Variants in USP35 observed in about 807,000 individuals in gnomAD.
The protein encoded by USP35 is ubiquitin specific peptidase 35.
In USP35, 69 loss-of-function variants were observed where a neutral mutation model predicts 83.8. The ratio of observed to expected loss-of-function variants is 0.82; its 90% CI spans 0.68 to 1.01. The LOEUF is 1.01. Among genes scored for constraint, USP35 ranks in the 50% least tolerant of loss-of-function variants. The pLI, the probability that USP35 is intolerant of heterozygous loss-of-function variation, is 0.00. For missense variants in USP35, 1,503 were observed against 1,362.5 expected (o/e 1.10, Z -1.62); for synonymous variants, 714 against 589.5 (o/e 1.21, Z -3.06).
chr11:78,210,609 C>CTA lies in USP35; in HGVS notation c.2756_2757dup (p.Val920MetfsTer32). ...CCTCCTTCTTCCCTAAGGACACAGC[C>CTA]TATGTGCTGTTTTACCGGCAGCGGC... On this transcript the variant is annotated frameshift_variant, in exon 10 of 11. Transcript: ENST00000529308. LOFTEE classifies it high-confidence loss of function. The CTA allele has an allele frequency of 6.2e-7, 1 of 1,614,218 alleles. No homozygotes were observed. Among genetic ancestry groups the CTA allele is most frequent in the Non-Finnish European group, 8.5e-7 (1 of 1,180,016 alleles).
chr11:78,198,224 C>T (rs1433594669), intron 3 of USP35, among the ~76,000 whole-genome samples, 156 bp downstream of exon 3: 1 of 152,242 alleles, frequency 6.6e-6, no homozygotes, highest in Admixed American at 6.5e-5. Context: ...TTGAGCCCTG[C>T]TCTGTGCCTT....
rs1368589957 is a variant in USP35, at chr11:78,196,533, G to A, written c.288G>A (p.Pro96=). The A allele has an allele frequency of 3.3e-6, 4 of 1,222,282 alleles. No individual in the cohort carries two copies. The highest frequency in any genetic ancestry group is 3.3e-5 in the African/African-American group (2 of 61,100). 75.7% of individuals were successfully genotyped at this position (1,222,282 alleles called of 1,614,324 possible). The part of the protein sequence containing the change: ...LRLLQGGAGP[P]GPRALACVQL... ...TGCTGCAGGGTGGCGCCGGCCCCCC[G>A]GGCCCCCGCGCGCTCGCCTGCGTGC... Residue 96 remains proline (P), a synonymous_variant, in exon 2 of 11, where the codon CCG becomes CCA. Coordinates refer to ENST00000529308, the MANE Select transcript of USP35 (RefSeq NM_020798.4). This position sits in a 1 kb window ranked among gnomAD's most constrained non-coding sequence, Gnocchi z 4.8.
intron 1 of USP35, among the ~76,000 whole-genome samples, chr11:78,194,129 C>T (rs2137024156): frequency 6.6e-6 from 1 of 152,360 alleles, no homozygotes; most frequent in East Asian, 1.9e-4. Flanking sequence ...GCCATGGTTA[C>T]AACCTCTAAC....
In USP35 at chr11:78,214,329, A is replaced by C. The variant is rs990667273; in HGVS notation, c.*516A>C. On this transcript the variant is annotated 3_prime_UTR_variant, in exon 11 of 11. Transcript: ENST00000529308. The stretch of plus-strand genomic sequence containing the variant: ...CTGCACTGTCTGTACCTTTCTGAGA[A>C]GAACAGAGACCGAGACCTGCCCCCT... The C allele has an allele frequency of 1.5e-5, 2 of 136,918 alleles. No homozygotes were observed. The highest frequency in any genetic ancestry group is 8.4e-5 in the Admixed American group (1 of 11,954). The allele number at this position is 136,918 out of a possible 1,614,324, so 8.5% of individuals were successfully genotyped here.
the USP35 span, among the ~76,000 whole-genome samples, chr11:78,228,534 T>A: frequency 2.0e-5 from 3 of 152,152 alleles, no homozygotes; most frequent in Admixed American, 6.5e-5. Flanking sequence ...CTCTCTCAGC[T>A]CCTGAGGAGT....
At chr11:78,199,537 C>A in intron 3 of USP35, 58 bp from the exon 4 acceptor site, 1 of 1,610,480 alleles carries the variant, frequency 6.2e-7, no homozygotes, top group Non-Finnish European at 8.5e-7. Context: ...CTGGGCTGCC[C>A]TCACCCCAGC....
downstream of USP35, chr11:78,218,961 G>C (rs1864280410): frequency 3.7e-6 from 1 of 273,314 alleles, no homozygotes; most frequent in South Asian, 7.5e-5. Context: ...ATCTGGTAGA[G>C]AGTCAGGTCT....
the USP35 span, chr11:78,221,685 C>T: frequency 1.9e-6 from 3 of 1,609,070 alleles, no homozygotes; most frequent in South Asian, 1.1e-5. Context: ...ACCATAGGGA[C>T]ATAGTTCTCT....
intron 10 of USP35, 144 bp downstream of exon 10, chr11:78,210,888 GC>G: frequency 1.2e-6 from 1 of 838,546 alleles, no homozygotes; most frequent in Non-Finnish European, 1.7e-6. Context: ...TATACTGGTG[GC>G]CCAGACAGAC....
the USP35 span, among the ~76,000 whole-genome samples, chr11:78,223,180 T>C: frequency 2.0e-5 from 3 of 152,338 alleles, no homozygotes; most frequent in East Asian, 3.9e-4. Flanking sequence ...AAGCTGACTT[T>C]ACTGAACGCC....
chr11:78,188,922 C>T lies in USP35; in HGVS notation c.-246C>T, dbSNP rs1308837946. ...CCCTCCCCATGCTTCATCCCGCAGC[C>T]CCGGGGCCGCGCCGCAGAGTCGGGC... On this transcript the variant is annotated 5_prime_UTR_variant, in exon 1 of 11. Transcript: ENST00000529308. The T allele has an allele frequency of 1.0e-6, 1 of 985,578 alleles. No homozygotes were observed. Among genetic ancestry groups the T allele is most frequent in the East Asian group, 1.1e-4 (1 of 8,822 alleles). 61.1% of individuals were successfully genotyped at this position (985,578 alleles called of 1,614,324 possible). A position where few individuals can be genotyped will look rare whatever the true frequency, so the allele number is the denominator to read the frequency against.
chr11:78,193,225 A>C (rs527321054), intron 1 of USP35, among the ~76,000 whole-genome samples: 1 of 152,224 alleles, frequency 6.6e-6, no homozygotes, highest in Admixed American at 6.5e-5. Flanking sequence ...ACAGGAACTC[A>C]CTTAGTCACC....
downstream of USP35, among the ~76,000 whole-genome samples, chr11:78,219,974 C>T (rs1864338441): frequency 6.6e-6 from 1 of 152,098 alleles, no homozygotes. Context: ...ACTCGAGAGC[C>T]CAGGACCAGG....
the USP35 span, among the ~76,000 whole-genome samples, chr11:78,228,158 C>A: frequency 2.0e-5 from 3 of 152,134 alleles, no homozygotes; most frequent in Non-Finnish European, 4.4e-5. Flanking sequence ...TTTCTAAGGG[C>A]CCATCTGGCC....
In USP35 at chr11:78,196,240, G is replaced by A; in HGVS notation, c.-6G>A. The A allele has an allele frequency of 6.3e-7, 1 of 1,588,478 alleles. No individual in the cohort carries two copies. ...CTCATTCCCTGTCCTCCGCAGCGCGGGCGCCATGGACAAGATCTTGGAGGC... is the reference window on the plus strand; with the variant it reads ...CTCATTCCCTGTCCTCCGCAGCGCGAGCGCCATGGACAAGATCTTGGAGGC... On this transcript the variant is annotated 5_prime_UTR_variant, in exon 2 of 11. Transcript: ENST00000529308. This position sits in a 1 kb window ranked among gnomAD's most constrained non-coding sequence, Gnocchi z 4.8.
intron 7 of USP35, 38 bp from the exon 8 acceptor site, chr11:78,207,492 C>A: frequency 6.2e-7 from 1 of 1,606,510 alleles, no homozygotes; most frequent in Non-Finnish European, 8.5e-7. Flanking sequence ...CCTTGGGGGC[C>A]CATGGCTTAC....
chr11:78,211,417 T>G (rs1379647141), intron 10 of USP35, among the ~76,000 whole-genome samples: 4 of 152,228 alleles, frequency 2.6e-5, no homozygotes, highest in Admixed American at 1.3e-4. Context: ...TGAACATACA[T>G]GTGCATGTAT....
rs762642259 is a variant in USP35, at chr11:78,210,551, CCTT to C, written c.2699_2701del (p.Phe900del). The C allele has an allele frequency of 2.5e-6, 4 of 1,612,852 alleles. No homozygotes were observed. Among genetic ancestry groups the C allele is most frequent in the East Asian group, 2.2e-5 (1 of 44,846 alleles). ...TACCTGTTCAATGACACTCGGGTGT[CCTT>C]CTCTTCCTTCGAATCTGTCAGCAAC... On this transcript the variant is annotated inframe_deletion, in exon 10 of 11. Coordinates refer to ENST00000529308, the MANE Select transcript of USP35 (RefSeq NM_020798.4).
At chr11:78,213,094 G>T (rs73509307) in intron 10 of USP35, among the ~76,000 whole-genome samples, 2 of 152,162 alleles carry the variant, frequency 1.3e-5, no homozygotes, top group Non-Finnish European at 2.9e-5. Flanking sequence ...ACACCAGACC[G>T]GGTGTCACCA....
Sources: allele counts gnomAD v4.1 joint callset (sites outside exome capture counted in the v4.1 genomes callset), GRCh38; gene constraint gnomAD v4.1.1; non-coding constraint Gnocchi (gnomAD v3.1); transcripts MANE v1.5; gene names NCBI Gene and HGNC (gene_info 2026-07-23, HGNC 2026-07-21).